LDB2: variants seen among roughly 807,000 people sequenced by gnomAD.
LDB2 encodes the protein LIM domain binding 2, also known as LIM domain-binding protein 2.
LDB2 carries 12 observed loss-of-function variants against 44.3 expected under a neutral mutation model. That is an observed-to-expected ratio of 0.27 (90% CI 0.17 to 0.44). LDB2 has a LOEUF of 0.44. Ranked by LOEUF, LDB2 falls within the 20% of genes least tolerant of loss-of-function variation. The pLI is 1.00. For synonymous variants in LDB2, 164 were observed against 174.8 expected, an observed-to-expected ratio of 0.94 and a Z score of 0.49; for missense variants, 344 against 473.5, an observed-to-expected ratio of 0.73 and a Z score of 2.54.
intron 1 of LDB2, among the ~76,000 whole-genome samples, chr4:16,845,865 T>C (rs1453145051): frequency 6.6e-6 from 1 of 151,988 alleles, no homozygotes; most frequent in Non-Finnish European, 1.5e-5. Flanking sequence ...CCCAGCAGTT[T>C]GGGAGGCCGA....
intron 1 of LDB2, among the ~76,000 whole-genome samples, chr4:16,789,191 C>T (rs2079110712): frequency 6.6e-6 from 1 of 152,184 alleles, no homozygotes; most frequent in African/African-American, 2.4e-5. Context: ...CCATCAGACA[C>T]CAGGCAGATG....
chr4:16,824,237 G>A (rs1355160247), intron 1 of LDB2, among the ~76,000 whole-genome samples: 1 of 152,148 alleles, frequency 6.6e-6, no homozygotes, highest in African/African-American at 2.4e-5. Context: ...GTGTGTGTGT[G>A]TATGCACACA....
chr4:16,620,815 G>A (rs1382936816), intron 2 of LDB2, among the ~76,000 whole-genome samples: 2 of 152,198 alleles, frequency 1.3e-5, no homozygotes, highest in Non-Finnish European at 2.9e-5. Flanking sequence ...AAGTCTACTT[G>A]TTCCTGTACT....
chr4:16,668,578 A>C (rs1743930901), intron 2 of LDB2, among the ~76,000 whole-genome samples: 1 of 152,218 alleles, frequency 6.6e-6, no homozygotes, highest in East Asian at 1.9e-4. Context: ...TTTTTTAATG[A>C]AATACTTTCA....
intron 2 of LDB2, among the ~76,000 whole-genome samples, chr4:16,742,499 G>T (rs986325247): frequency 5.6e-4 from 86 of 152,256 alleles, no homozygotes; most frequent in Non-Finnish European, 6.6e-4. Context: ...AGGGAGAAAG[G>T]CATTTTACAA....
chr4:16,785,227 T>A (rs529350670), intron 1 of LDB2, among the ~76,000 whole-genome samples: 4 of 152,280 alleles, frequency 2.6e-5, no homozygotes, highest in African/African-American at 9.6e-5. Context: ...TCTGTCAGCA[T>A]GATAAACATG....
intron 7 of LDB2, among the ~76,000 whole-genome samples, chr4:16,505,159 G>T (rs1230372327): frequency 6.6e-6 from 1 of 152,206 alleles, no homozygotes; most frequent in Non-Finnish European, 1.5e-5. Context: ...TGAACATAGT[G>T]GTTTGAATCA....
intron 5 of LDB2, among the ~76,000 whole-genome samples, chr4:16,556,738 A>T (rs574476480): frequency 6.6e-6 from 1 of 152,246 alleles, no homozygotes; most frequent in South Asian, 2.1e-4. Flanking sequence ...ATATAACAAC[A>T]GAAAACATGG....
intron 2 of LDB2, among the ~76,000 whole-genome samples, chr4:16,712,541 G>T (rs566996167): frequency 6.6e-6 from 1 of 151,966 alleles, no homozygotes; most frequent in South Asian, 2.1e-4. Flanking sequence ...GACACGGTGA[G>T]ACTCTGTCTC....
At chr4:16,749,575 A>AAAAT (rs1561091628) in intron 2 of LDB2, among the ~76,000 whole-genome samples, 1 of 137,278 alleles carries the variant, frequency 7.3e-6, no homozygotes, top group Non-Finnish European at 1.5e-5. Context: ...AAAAAAAATA[A>AAAAT]AAAAATAAAA....
chr4:16,730,192 T>C (rs1760440623), intron 2 of LDB2, among the ~76,000 whole-genome samples: 1 of 152,214 alleles, frequency 6.6e-6, no homozygotes, highest in Non-Finnish European at 1.5e-5. Flanking sequence ...TCTGGCATAA[T>C]AGGGGGATCT....
chr4:16,665,427 G>A (rs1030795861), intron 2 of LDB2, among the ~76,000 whole-genome samples: 7 of 151,946 alleles, frequency 4.6e-5, no homozygotes, highest in Non-Finnish European at 7.4e-5. Context: ...CACCACACCC[G>A]ACTAAGTTTT....
At chr4:16,795,873 A>G (rs1776635866) in intron 1 of LDB2, among the ~76,000 whole-genome samples, 1 of 152,204 alleles carries the variant, frequency 6.6e-6, no homozygotes, top group Non-Finnish European at 1.5e-5. Context: ...TGCTATTGCT[A>G]TAGTCCCACT....
chr4:16,876,289 C>T (rs995432650), intron 1 of LDB2, among the ~76,000 whole-genome samples: 11 of 152,158 alleles, frequency 7.2e-5, no homozygotes, highest in African/African-American at 2.7e-4. Flanking sequence ...GGTAATATTC[C>T]ACTGCATTTA....
chr4:16,862,690 T>G (rs11946308), intron 1 of LDB2, among the ~76,000 whole-genome samples: 1 of 137,254 alleles, frequency 7.3e-6, no homozygotes, highest in Non-Finnish European at 1.5e-5. Flanking sequence ...TGGCCCTTGG[T>G]GAATTCTCTC....
chr4:16,794,230 C>T (rs1288185047), intron 1 of LDB2, among the ~76,000 whole-genome samples: 1 of 152,084 alleles, frequency 6.6e-6, no homozygotes, highest in African/African-American at 2.4e-5. Flanking sequence ...GTTTACACCC[C>T]CTAAAATGCC....
intron 1 of LDB2, among the ~76,000 whole-genome samples, chr4:16,773,927 G>A (rs974212356): frequency 6.7e-6 from 1 of 150,158 alleles, no homozygotes. Context: ...GGCCAAGAAA[G>A]GTGGATCACG....
chr4:16,546,592 G>A (rs543212330), intron 5 of LDB2, among the ~76,000 whole-genome samples: 1 of 152,158 alleles, frequency 6.6e-6, no homozygotes, highest in Admixed American at 6.5e-5. Flanking sequence ...CTTGCACATG[G>A]TATGACAGCA....
chr4:16,713,425 G>C lies in LDB2; in HGVS notation c.235+45733C>G, dbSNP rs139227714. Reference sequence around the variant, plus strand: ...GAAGTGATGAGGGGAACTAACAATAGGAAGCAGCATCAGCAGAACTTGGGA... The same window carrying C: ...GAAGTGATGAGGGGAACTAACAATACGAAGCAGCATCAGCAGAACTTGGGA... On this transcript the variant is annotated intron_variant, in intron 2 of 7. Coordinates refer to ENST00000304523, the MANE Select transcript of LDB2 (RefSeq NM_001290.5). Among the ~76,000 whole-genome samples, 4 of 152,120 alleles carry C rather than the reference G, an allele frequency of 2.6e-5. No individual in the cohort carries two copies. In the East Asian group the frequency reaches 7.7e-4, roughly 29 times the overall value.
Sources: gnomAD v4.1 joint callset for allele counts (sites outside exome capture counted in the v4.1 genomes callset) on GRCh38, gnomAD v4.1.1 for gene constraint, MANE v1.5 for transcripts, NCBI Gene and HGNC (gene_info 2026-07-23, HGNC 2026-07-21) for gene names.